The following NBEA variants were observed in gnomAD, a reference collection of about 807,000 sequenced individuals.
NBEA encodes neurobeachin, also known as lysosomal-trafficking regulator 2.
NBEA carries 44 observed loss-of-function variants against 343.4 expected under a neutral mutation model. That is an observed-to-expected ratio of 0.13 (90% CI 0.10 to 0.16). The LOEUF (loss-of-function observed/expected upper bound fraction) is 0.16, where lower values mean the gene tolerates loss of function less well. NBEA is among the 10% of genes least tolerant of loss of function. The pLI, the probability that NBEA is intolerant of heterozygous loss-of-function variation, is 1.00. For missense variants in NBEA, 2,555 were observed against 3,631.3 expected (o/e 0.70, Z 7.62); for synonymous variants, 1,175 against 1,238.7 (o/e 0.95, Z 1.08).
At chr13:35,033,337 G>T (rs942461770) in intron 1 of NBEA, among the ~76,000 whole-genome samples, 8 of 151,686 alleles carry the variant, frequency 5.3e-5, no homozygotes, top group African/African-American at 1.9e-4. Flanking sequence ...TTGTTTCTGG[G>T]TTCTCTATTT....
At position 35,098,323 on chromosome 13, in the gene NBEA, A is replaced by G; in HGVS notation, c.1598A>G (p.Glu533Gly). The G allele has an allele frequency of 6.3e-7, 1 of 1,588,874 alleles. No individual in the cohort carries two copies. Among genetic ancestry groups the G allele is most frequent in the Non-Finnish European group, 8.6e-7 (1 of 1,165,890 alleles). ...GCTACTCTGTTGGCATTCCTGGTTG[A>G]ACTACTTAAAAGTTCAGTAGCCATG... ...VCATLLAFLV[E>G]LLKSSVAMQE... Residue 533 changes from glutamate (E) to glycine (G), a missense_variant, in exon 11 of 59, where the codon GAA becomes GGA. By Grantham distance (98) the Glu-to-Gly change is moderately conservative (BLOSUM62 -2). Around this residue, in one of 21 missense-constraint regions of NBEA, gnomAD observed 360 missense variants for 519.1 expected, o/e 0.69. Transcript: ENST00000379939.
intron 46 of NBEA, among the ~76,000 whole-genome samples, chr13:35,585,013 C>G (rs1490949019): frequency 6.6e-6 from 1 of 150,934 alleles, no homozygotes; most frequent in African/African-American, 2.4e-5. Flanking sequence ...CCCCCCCTCC[C>G]TCATTCTTTC....
At chr13:34,955,188 C>T (rs893708314) in intron 1 of NBEA, among the ~76,000 whole-genome samples, 14 of 152,006 alleles carry the variant, frequency 9.2e-5, no homozygotes, top group African/African-American at 3.1e-4. Context: ...AGCTCAGTTT[C>T]TGCTTTATAA....
chr13:35,610,323 G>T (rs945649534), intron 48 of NBEA, among the ~76,000 whole-genome samples: 1 of 152,068 alleles, frequency 6.6e-6, no homozygotes. Flanking sequence ...AGCCTAGGAG[G>T]TCGAAGCTGC....
intron 33 of NBEA, among the ~76,000 whole-genome samples, chr13:35,215,390 T>C (rs1438576327): frequency 6.6e-6 from 1 of 151,714 alleles, no homozygotes; most frequent in Non-Finnish European, 1.5e-5. Flanking sequence ...AATTTTCATG[T>C]GTTTGATGAT....
At chr13:35,248,970 A>T (rs2031600989) in intron 34 of NBEA, among the ~76,000 whole-genome samples, 1 of 151,968 alleles carries the variant, frequency 6.6e-6, no homozygotes, top group Non-Finnish European at 1.5e-5. Context: ...ACCAACATGG[A>T]GAAGCCCCAT....
At chr13:35,104,534 T>A (rs1284059961) in intron 11 of NBEA, among the ~76,000 whole-genome samples, 2 of 151,982 alleles carry the variant, frequency 1.3e-5, no homozygotes, top group Admixed American at 1.3e-4. Context: ...AAAGAGTAAC[T>A]TTTTTACCTT....
At chr13:35,608,004 C>T (rs1266756661) in intron 48 of NBEA, among the ~76,000 whole-genome samples, 2 of 152,156 alleles carry the variant, frequency 1.3e-5, no homozygotes, top group South Asian at 2.1e-4. Flanking sequence ...CTCCTCCCCT[C>T]CTCTCGATTT....
chr13:35,099,848 G>T (rs1023857072), intron 11 of NBEA, among the ~76,000 whole-genome samples: 3 of 152,068 alleles, frequency 2.0e-5, no homozygotes, highest in African/African-American at 7.2e-5. Context: ...GAGTTTAGTT[G>T]TATTATGTGA....
chr13:35,410,999 A>C (rs1361610286), intron 38 of NBEA, among the ~76,000 whole-genome samples: 1 of 152,186 alleles, frequency 6.6e-6, no homozygotes, highest in African/African-American at 2.4e-5. Flanking sequence ...GAAAGTCAGC[A>C]AGCATAATGC....
chr13:35,230,714 C>T (rs551674637), intron 33 of NBEA, among the ~76,000 whole-genome samples: 32 of 152,016 alleles, frequency 2.1e-4, no homozygotes, highest in African/African-American at 7.5e-4. Context: ...TATGCTTATT[C>T]GGTGACTTCA....
intron 38 of NBEA, among the ~76,000 whole-genome samples, chr13:35,416,953 G>T (rs1396702929): frequency 2.6e-5 from 4 of 151,976 alleles, no homozygotes; most frequent in African/African-American, 9.7e-5. Context: ...CTTCTTCCTG[G>T]TTTAGTCTTG....
At chr13:34,984,970 C>G (rs1017148718) in intron 1 of NBEA, among the ~76,000 whole-genome samples, 11 of 150,992 alleles carry the variant, frequency 7.3e-5, no homozygotes, top group East Asian at 1.9e-4. Context: ...AATATACAAT[C>G]ATGTCATCTG....
chr13:35,436,656 G>A (rs1465013352), intron 39 of NBEA, among the ~76,000 whole-genome samples: 1 of 148,220 alleles, frequency 6.7e-6, no homozygotes, highest in Non-Finnish European at 1.5e-5. Flanking sequence ...CTTGCAGTGA[G>A]CCTAGATCGC....
intron 36 of NBEA, among the ~76,000 whole-genome samples, chr13:35,321,259 C>G (rs1189803862): frequency 6.6e-6 from 1 of 152,030 alleles, no homozygotes; most frequent in Admixed American, 6.5e-5. Flanking sequence ...TGTTGTTGAC[C>G]TTCAGTTGAG....
intron 34 of NBEA, among the ~76,000 whole-genome samples, chr13:35,289,146 T>A (rs1251352832): frequency 6.6e-6 from 1 of 151,936 alleles, no homozygotes; most frequent in Non-Finnish European, 1.5e-5. Flanking sequence ...CATTTGAGAC[T>A]GTTTATTGAA....
rs117777469 is a variant in NBEA, at chr13:35,331,859, C to A, written c.5904-17249C>A. Among the ~76,000 whole-genome samples, 5 of 152,162 alleles carry A rather than the reference C, an allele frequency of 3.3e-5. No individual in the cohort carries two copies. The East Asian group carries it at 9.6e-4, about 29-fold the overall frequency. On this transcript the variant is annotated intron_variant, in intron 36 of 58. Transcript: ENST00000379939. ...TTGCATTAGAAAATGAACATCACTT[C>A]ATTCACTTTCTGTGTTGTATAGATA...
At chr13:35,382,890 T>A (rs533751392) in intron 38 of NBEA, among the ~76,000 whole-genome samples, 3 of 152,322 alleles carry the variant, frequency 2.0e-5, no homozygotes, top group Admixed American at 2.0e-4. Flanking sequence ...AAACTTTTGC[T>A]ACAAACAAAG....
At chr13:35,309,773 A>G (rs2037230090) in intron 36 of NBEA, among the ~76,000 whole-genome samples, 181 bp downstream of exon 36, 1 of 152,156 alleles carries the variant, frequency 6.6e-6, no homozygotes. Context: ...TTATTTTTGA[A>G]GAAAAAGCCG....
Sources: gnomAD v4.1 joint callset for allele counts (sites outside exome capture counted in the v4.1 genomes callset) on GRCh38, gnomAD v4.1.1 for gene constraint, gnomAD v4.1.1 regional missense constraint, MANE v1.5 for transcripts, NCBI Gene and HGNC (gene_info 2026-07-23, HGNC 2026-07-21) for gene names.